EFNA5: variants seen among roughly 807,000 people sequenced by gnomAD.
EFNA5 encodes the protein ephrin A5, also known as ephrin-A5.
A neutral mutation model predicts 22.9 loss-of-function variants in EFNA5; 5 were observed. The observed-to-expected ratio is 0.22, with a 90% CI of 0.11 to 0.46. EFNA5 has a LOEUF of 0.46. EFNA5 is among the 20% of genes least tolerant of loss of function. The probability of loss-of-function intolerance (pLI) is 0.99; values close to 1 mark genes in which losing one functional copy is unlikely to be tolerated. For missense variants in EFNA5, 237 were observed against 293.3 expected (o/e 0.81, Z 1.40); for synonymous variants, 113 against 112.2 (o/e 1.01, Z -0.04).
chr5:107,543,798 T>C (rs1748094861), intron 1 of EFNA5, among the ~76,000 whole-genome samples: 1 of 152,248 alleles, frequency 6.6e-6, no homozygotes, highest in Non-Finnish European at 1.5e-5. Flanking sequence ...TTTTATATCC[T>C]AATTATTAGC....
intron 1 of EFNA5, among the ~76,000 whole-genome samples, chr5:107,515,175 C>T (rs1747450520): frequency 6.6e-6 from 1 of 151,796 alleles, no homozygotes; most frequent in Admixed American, 6.6e-5. Context: ...GCTGGGATTA[C>T]AGGCGACTGA....
intron 4 of EFNA5, among the ~76,000 whole-genome samples, chr5:107,382,560 A>AC (rs549179938): frequency 6.6e-6 from 1 of 152,024 alleles, no homozygotes; most frequent in South Asian, 2.1e-4. Context: ...TTTTAGAGAG[A>AC]CAGGGTTTTC....
chr5:107,493,466 C>A (rs557198887), intron 1 of EFNA5, among the ~76,000 whole-genome samples: 1 of 152,316 alleles, frequency 6.6e-6, no homozygotes, highest in African/African-American at 2.4e-5. Context: ...TTCCTACCAG[C>A]CTGCTTTTGC....
chr5:107,524,655 T>C (rs1196213623), intron 1 of EFNA5, among the ~76,000 whole-genome samples: 1 of 152,044 alleles, frequency 6.6e-6, no homozygotes, highest in Non-Finnish European at 1.5e-5. Flanking sequence ...CCAAACTGGG[T>C]TTTTACACAT....
chr5:107,485,289 A>G (rs1220835390), intron 1 of EFNA5, among the ~76,000 whole-genome samples: 2 of 152,224 alleles, frequency 1.3e-5, no homozygotes, highest in Non-Finnish European at 2.9e-5. Context: ...GCTATGAAGA[A>G]TGAAAAACAT....
chr5:107,599,497 G>A (rs1366319100), intron 1 of EFNA5, among the ~76,000 whole-genome samples: 1 of 152,178 alleles, frequency 6.6e-6, no homozygotes, highest in Admixed American at 6.5e-5. Flanking sequence ...TAGGGTAATG[G>A]AGACAGGGAC....
rs529246427 is a variant in EFNA5 at position 107,617,751 on chromosome 5, T to C, written c.125+52738A>G. On this transcript the variant is annotated intron_variant, in intron 1 of 4. Coordinates refer to ENST00000333274, the MANE Select transcript of EFNA5 (RefSeq NM_001962.3). ...GCAGGATTTGGACTGAAGTGCTCTG[T>C]TGCGGCTAGAGTGAAATTCAAATAG... Among the ~76,000 whole-genome samples, 5 of 152,294 alleles carry C rather than the reference T, an allele frequency of 3.3e-5. No individual in the cohort carries two copies. The South Asian group carries it at 6.2e-4, about 19-fold the overall frequency.
chr5:107,425,432 CAACT>C (rs1748784967), intron 2 of EFNA5, among the ~76,000 whole-genome samples: 1 of 152,182 alleles, frequency 6.6e-6, no homozygotes, highest in African/African-American at 2.4e-5. Context: ...TACAGTGAGA[CAACT>C]AATGAGTTGC....
chr5:107,545,945 C>G (rs749783811), intron 1 of EFNA5, among the ~76,000 whole-genome samples: 1 of 152,050 alleles, frequency 6.6e-6, no homozygotes, highest in African/African-American at 2.4e-5. Flanking sequence ...GCAAATGACA[C>G]TTCTGCAAGC....
intron 1 of EFNA5, among the ~76,000 whole-genome samples, chr5:107,607,688 C>G (rs1749752383): frequency 6.6e-6 from 1 of 152,132 alleles, no homozygotes; most frequent in Non-Finnish European, 1.5e-5. Flanking sequence ...CCTCTCAACA[C>G]AGTTTCTTCC....
At chr5:107,400,816 C>G (rs1253468409) in intron 2 of EFNA5, among the ~76,000 whole-genome samples, 1 of 152,130 alleles carries the variant, frequency 6.6e-6, no homozygotes, top group Admixed American at 6.5e-5. Context: ...TGAATATTAC[C>G]TTTTATATTT....
intron 1 of EFNA5, among the ~76,000 whole-genome samples, chr5:107,475,558 C>T (rs1750263569): frequency 6.6e-6 from 1 of 152,170 alleles, no homozygotes; most frequent in Admixed American, 6.6e-5. Flanking sequence ...CTAAGGCTTT[C>T]AGTAGCACAA....
At chr5:107,514,075 T>C (rs940510998) in intron 1 of EFNA5, among the ~76,000 whole-genome samples, 2 of 152,244 alleles carry the variant, frequency 1.3e-5, no homozygotes, top group African/African-American at 4.8e-5. Flanking sequence ...TCCTGTTTTC[T>C]GCTGTTTCTG....
intron 1 of EFNA5, among the ~76,000 whole-genome samples, chr5:107,609,285 A>T (rs1039434045): frequency 6.6e-6 from 1 of 152,198 alleles, no homozygotes; most frequent in African/African-American, 2.4e-5. Context: ...AAGAAACAAA[A>T]GCAATGAGAA....
chr5:107,409,218 T>G (rs1050814006), intron 2 of EFNA5, among the ~76,000 whole-genome samples: 6 of 152,232 alleles, frequency 3.9e-5, no homozygotes, highest in Admixed American at 2.6e-4. Flanking sequence ...TCTTTCGTCT[T>G]TGGATCACCA....
chr5:107,532,718 A>ATGGC (rs1747840634), intron 1 of EFNA5, among the ~76,000 whole-genome samples: 1 of 152,204 alleles, frequency 6.6e-6, no homozygotes, highest in Admixed American at 6.5e-5. Context: ...CACCTGCCAT[A>ATGGC]TGGCTGTCTG....
At chr5:107,441,424 T>G (rs1749254733) in intron 1 of EFNA5, among the ~76,000 whole-genome samples, 1 of 152,196 alleles carries the variant, frequency 6.6e-6, no homozygotes, top group Admixed American at 6.6e-5. Context: ...GCGTCCTATC[T>G]GCAGAAACAC....
At chr5:107,625,832 C>T (rs911957515) in intron 1 of EFNA5, among the ~76,000 whole-genome samples, 7 of 152,282 alleles carry the variant, frequency 4.6e-5, no homozygotes, top group Middle Eastern at 3.4e-3. Context: ...AAATCCCTGT[C>T]TTGTTACTAT....
intron 2 of EFNA5, among the ~76,000 whole-genome samples, chr5:107,387,976 T>C (rs1333623768): frequency 6.6e-6 from 1 of 152,236 alleles, no homozygotes; most frequent in East Asian, 1.9e-4. Flanking sequence ...CCTGAGTTTC[T>C]CTTTTCAATA....
Sources: gnomAD v4.1 joint callset for allele counts (sites outside exome capture counted in the v4.1 genomes callset) on GRCh38, gnomAD v4.1.1 for gene constraint, MANE v1.5 for transcripts, NCBI Gene and HGNC (gene_info 2026-07-23, HGNC 2026-07-21) for gene names.